IPPK: variants seen among roughly 807,000 people sequenced by gnomAD.
IPPK encodes inositol-pentakisphosphate 2-kinase, also known as IPK1 homolog.
IPPK carries 22 observed loss-of-function variants against 64.6 expected under a neutral mutation model. The observed-to-expected ratio is 0.34, with a 90% CI of 0.24 to 0.49. IPPK has a LOEUF of 0.49. Among genes scored for constraint, IPPK ranks in the 20% least tolerant of loss-of-function variants. The pLI, the probability that IPPK is intolerant of heterozygous loss-of-function variation, is 0.99. For missense variants in IPPK, 532 were observed against 630.7 expected (o/e 0.84, Z 1.68); for synonymous variants, 262 against 247.2 (o/e 1.06, Z -0.56).
chr9:92,628,597 C>T (rs2088055), intron 11 of IPPK, among the ~76,000 whole-genome samples: 32,861 of 152,106 alleles, frequency 0.22, 4,547 homozygotes, highest in East Asian at 0.66. Context: ...TGGTGCTGAC[C>T]GGGCACGGTG....
In IPPK at chr9:92,614,576, A is replaced by G. The variant is rs529490764; in HGVS notation, c.*1256T>C. 2.2e-4 allele frequency: 34 copies of G among 152,814 alleles called. No homozygotes were observed. The South Asian group carries it at 6.8e-3, about 31-fold the overall frequency. The allele number at this position is 152,814 out of a possible 1,614,324, so 9.5% of individuals were successfully genotyped here. ...AAGAGTTGCCTTGATTCAAACAAGT[A>G]TAATTCTCAAGTTATCACAAAATTT... On this transcript the variant is annotated 3_prime_UTR_variant, in exon 13 of 13. Transcript: ENST00000287996.
chr9:92,670,109 C>G lies in IPPK; in HGVS notation c.-121G>C, dbSNP rs979357036. Reference sequence around the variant, plus strand: ...AGGAGCGCCTGTCAGCTGCCGCCCCCGCTCGACCCCGCCGCGGCGACTAGC... The same window carrying G: ...AGGAGCGCCTGTCAGCTGCCGCCCCGGCTCGACCCCGCCGCGGCGACTAGC... On this transcript the variant is annotated 5_prime_UTR_variant, in exon 1 of 13. Transcript: ENST00000287996. 1.4e-4 allele frequency: 82 copies of G among 599,664 alleles called. 1 individual carries two copies. Among genetic ancestry groups the G allele is most frequent in the Non-Finnish European group, 1.9e-4 (71 of 368,460 alleles). 37.1% of individuals were successfully genotyped at this position (599,664 alleles called of 1,614,324 possible). A position where few individuals can be genotyped will look rare whatever the true frequency, so the allele number is the denominator to read the frequency against.
Position 92,649,483 on chromosome 9 carries a change from C to G in IPPK, c.384G>C (p.Glu128Asp), listed in dbSNP as rs773550502. The G allele has an allele frequency of 1.2e-6, 2 of 1,614,016 alleles. No individual in the cohort carries two copies. The highest frequency in any genetic ancestry group is 1.7e-6 in the Non-Finnish European group (2 of 1,180,028). Residue 128 changes from glutamate (E) to aspartate (D), a missense_variant, in exon 5 of 13, where the codon GAG (glutamate) becomes GAC (aspartate). Glu to Asp is a conservative substitution (Grantham distance 45). Coordinates refer to ENST00000287996, the MANE Select transcript of IPPK (RefSeq NM_022755.6). ...TCTCTACACACAGAATCGGCCGGTG[C>G]TCTGCAAAGCGGTAGGTTTGGAGTC... The part of the protein sequence containing the change: ...LTRLQTYRFA[E>D]HRPILCVEIK...
intron 1 of IPPK, among the ~76,000 whole-genome samples, chr9:92,660,647 C>T (rs1852463898): frequency 6.6e-6 from 1 of 152,212 alleles, no homozygotes; most frequent in African/African-American, 2.4e-5. Context: ...TCAGTGGGCC[C>T]ATGAACAGAA....
chr9:92,652,975 T>G (rs148988252), intron 3 of IPPK, among the ~76,000 whole-genome samples: 37 of 152,310 alleles, frequency 2.4e-4, no homozygotes, highest in African/African-American at 8.9e-4. Context: ...AGCCCCCTTC[T>G]GGTCTCTACA....
chr9:92,654,534 A>C (rs1476156423), intron 3 of IPPK, among the ~76,000 whole-genome samples: 3 of 152,108 alleles, frequency 2.0e-5, no homozygotes, highest in Non-Finnish European at 4.4e-5. Context: ...ACAAACAAAT[A>C]CTGACAGTAA....
At chr9:92,655,207 CT>C (rs1032541737) in intron 3 of IPPK, among the ~76,000 whole-genome samples, 62 of 152,302 alleles carry the variant, frequency 4.1e-4, no homozygotes, top group African/African-American at 1.4e-3. Context: ...TACGCTTTGC[CT>C]AACTCACCGA....
At chr9:92,624,792 A>G (rs1385083773) in intron 11 of IPPK, among the ~76,000 whole-genome samples, 1 of 152,232 alleles carries the variant, frequency 6.6e-6, no homozygotes, top group Non-Finnish European at 1.5e-5. Context: ...AGGACTTACT[A>G]TATATCCATT....
intron 1 of IPPK, among the ~76,000 whole-genome samples, chr9:92,664,414 C>T (rs1165900869): frequency 1.3e-5 from 2 of 152,192 alleles, no homozygotes; most frequent in Admixed American, 6.5e-5. Context: ...GGGGTCAGGG[C>T]GCAGTAAGTG....
intron 12 of IPPK, chr9:92,618,280 G>A (rs1243791399): frequency 2.2e-6 from 1 of 456,604 alleles, no homozygotes; most frequent in Non-Finnish European, 4.4e-6. Context: ...ACATGGCTCA[G>A]TGCCTTCAGG....
At chr9:92,661,292 C>T (rs985790798) in intron 1 of IPPK, among the ~76,000 whole-genome samples, 2 of 152,208 alleles carry the variant, frequency 1.3e-5, no homozygotes, top group Admixed American at 6.5e-5. Context: ...AAGGTCTTGA[C>T]CCCAAAGGTC....
At chr9:92,651,865 G>A (rs1386159856) in intron 4 of IPPK, among the ~76,000 whole-genome samples, 6 of 152,156 alleles carry the variant, frequency 3.9e-5, no homozygotes, top group East Asian at 3.9e-4. Context: ...ACAGGTGCCC[G>A]CCACTACGCC....
chr9:92,625,918 G>A lies in IPPK; in HGVS notation c.1171-6353C>T, dbSNP rs1234106510. Among the ~76,000 whole-genome samples the A allele has an allele frequency of 2.0e-5, 3 of 151,366 alleles. No individual in the cohort carries two copies. In the East Asian group the frequency reaches 5.8e-4, roughly 29 times the overall value. On this transcript the variant is annotated intron_variant, in intron 11 of 12. Coordinates refer to ENST00000287996, the MANE Select transcript of IPPK (RefSeq NM_022755.6). ...AACACGGATGAGTCAGCCAAAATAA[G>A]AGATTTTTTTTTTTTAACCACCAAG...
At chr9:92,643,037 C>T (rs977312188) in intron 6 of IPPK, among the ~76,000 whole-genome samples, 6 of 152,242 alleles carry the variant, frequency 3.9e-5, no homozygotes, top group Non-Finnish European at 8.8e-5. Flanking sequence ...CATGATGTGG[C>T]GTGGCCCCCA....
intron 2 of IPPK, among the ~76,000 whole-genome samples, chr9:92,657,218 G>A (rs1170044925): frequency 3.9e-5 from 6 of 152,032 alleles, no homozygotes; most frequent in South Asian, 2.1e-4. Context: ...GCATGGTGGC[G>A]GGCACCTGTA....
At chr9:92,625,144 T>C (rs1851711771) in intron 11 of IPPK, among the ~76,000 whole-genome samples, 1 of 152,226 alleles carries the variant, frequency 6.6e-6, no homozygotes, top group Admixed American at 6.5e-5. Flanking sequence ...CAGTGGGTTG[T>C]ATATTTTTTT....
At chr9:92,625,821 C>CT (rs1851722872) in intron 11 of IPPK, among the ~76,000 whole-genome samples, 1 of 152,178 alleles carries the variant, frequency 6.6e-6, no homozygotes, top group Non-Finnish European at 1.5e-5. Context: ...AAGGCATCCC[C>CT]TATTTGGGTC....
chr9:92,634,301 G>GA (rs915528077), intron 11 of IPPK, 85 bp downstream of exon 11: 1,152 of 922,246 alleles, frequency 1.2e-3, no homozygotes, highest in Non-Finnish European at 1.5e-3. Context: ...GTAGGTAATG[G>GA]AAAAAAAAAT....
Position 92,662,330 on chromosome 9 carries a change from A to T in IPPK, c.82-3649T>A, listed in dbSNP as rs1210202323. Among the ~76,000 whole-genome samples, 4 of 152,188 alleles carry T rather than the reference A, an allele frequency of 2.6e-5. No homozygotes were observed. The East Asian group carries it at 7.7e-4, about 29-fold the overall frequency. Reference sequence around the variant, plus strand: ...CAGCTGAGGTCGGGAGTTCGAGACCAGCCCGACCAACATGGAGAAAACCTG... The same window carrying T: ...CAGCTGAGGTCGGGAGTTCGAGACCTGCCCGACCAACATGGAGAAAACCTG... On this transcript the variant is annotated intron_variant, in intron 1 of 12. Coordinates refer to ENST00000287996, the MANE Select transcript of IPPK (RefSeq NM_022755.6).
Sources: gnomAD v4.1 joint callset for allele counts (sites outside exome capture counted in the v4.1 genomes callset) on GRCh38, gnomAD v4.1.1 for gene constraint, MANE v1.5 for transcripts, NCBI Gene and HGNC (gene_info 2026-07-23, HGNC 2026-07-21) for gene names.